The following ALPK3 variants were observed in gnomAD, a reference collection of about 807,000 sequenced individuals.
ALPK3 encodes alpha-protein kinase 3.
In ALPK3, 102 loss-of-function variants were observed where a neutral mutation model predicts 140.0. The ratio of observed to expected loss-of-function variants is 0.73; its 90% CI spans 0.62 to 0.86. The LOEUF (loss-of-function observed/expected upper bound fraction) is 0.86. ALPK3 is among the 40% of genes least tolerant of loss of function. The pLI, the probability that ALPK3 is intolerant of heterozygous loss-of-function variation, is 0.00. For missense variants in ALPK3, 2,254 were observed against 2,208.2 expected, an observed-to-expected ratio of 1.02 and a Z score of -0.42; for synonymous variants, 938 against 898.5, an observed-to-expected ratio of 1.04 and a Z score of -0.79.
intron 12 of ALPK3, among the ~76,000 whole-genome samples, chr15:84,866,246 A>G (rs568326128): frequency 1.3e-5 from 2 of 152,278 alleles, no homozygotes; most frequent in South Asian, 2.1e-4. Context: ...AGAAATGACA[A>G]ATAAATCAAT....
At chr15:84,836,273 G>A (rs1596148577) in intron 3 of ALPK3, among the ~76,000 whole-genome samples, 1 of 152,206 alleles carries the variant, frequency 6.6e-6, no homozygotes, top group Admixed American at 6.5e-5. Flanking sequence ...CATGAGGGCT[G>A]CGTGAAATGG....
Position 84,863,556 on chromosome 15 carries a change from G to C in ALPK3, c.4415G>C (p.Cys1472Ser), listed in dbSNP as rs1963971755. The change falls in exon 11 of 14, where the codon TGC becomes TCC. Residue 1472 changes from cysteine (C) to serine (S), a missense_variant. Coordinates refer to ENST00000258888, the MANE Select transcript of ALPK3 (RefSeq NM_020778.5). The part of the protein sequence containing the change: ...GRNYDVTIQG[C>S]KIQNMSREYC... The stretch of plus-strand genomic sequence containing the variant: ...ATTTGGTTCCCTCATCCACAGGGGT[G>C]CAAGATCCAGAACATGAGTCGGGAG... The C allele has an allele frequency of 6.2e-7, 1 of 1,613,776 alleles. No homozygotes were observed. The highest frequency in any genetic ancestry group is 1.7e-5 in the Admixed American group (1 of 59,996).
chr15:84,862,680 T>A lies in ALPK3; in HGVS notation c.4175T>A (p.Leu1392Gln). Residue 1392 changes from leucine (L) to glutamine (Q), a missense_variant, in exon 10 of 14, where the codon CTG becomes CAG. By Grantham distance (113) the Leu-to-Gln change is moderately radical. This residue lies in a region of ALPK3 where 2,088 missense variants were observed against 2,022.9 expected (regional missense o/e 1.03). Transcript: ENST00000258888. ...ACCCCTATGGTGTTTGCTAAGGGTC[T>A]GGCTGACTCTGGCTGCTGGGGGGAC... ...EMTPMVFAKG[L>Q]ADSGCWGDKL... The A allele has an allele frequency of 6.2e-7, 1 of 1,614,170 alleles. No homozygotes were observed.
chr15:84,837,348 G>A (rs1236535166), intron 3 of ALPK3, among the ~76,000 whole-genome samples: 1 of 152,232 alleles, frequency 6.6e-6, no homozygotes, highest in Non-Finnish European at 1.5e-5. Context: ...TCCTTGATTA[G>A]GCACGAGCAG....
chr15:84,837,324 T>C (rs1963606644), intron 3 of ALPK3, among the ~76,000 whole-genome samples: 2 of 152,284 alleles, frequency 1.3e-5, no homozygotes, highest in Middle Eastern at 3.4e-3. Context: ...GCAGGAATAA[T>C]TGCTGGAGAA....
rs370157683 is a variant in ALPK3, at chr15:84,857,150, G to A, written c.2412G>A (p.Pro804=). ...LSGNLMLPAQ[P]PHEGSVEQVG... Reference sequence around the variant, plus strand: ...GGAACCTCATGCTCCCAGCACAGCCGCCCCATGAGGGGAGTGTGGAGCAGG... The same window carrying A: ...GGAACCTCATGCTCCCAGCACAGCCACCCCATGAGGGGAGTGTGGAGCAGG... Residue 804 remains proline, a synonymous_variant, in exon 6 of 14, where the codon CCG becomes CCA. Transcript: ENST00000258888. The A allele has an allele frequency of 8.7e-6, 14 of 1,614,000 alleles. No individual in the cohort carries two copies. Among genetic ancestry groups the A allele is most frequent in the Admixed American group, 1.7e-5 (1 of 60,002 alleles).
intron 12 of ALPK3, among the ~76,000 whole-genome samples, chr15:84,865,473 G>A (rs907146362): frequency 2.0e-5 from 3 of 152,036 alleles, no homozygotes; most frequent in Non-Finnish European, 4.4e-5. Context: ...GGGAGGGCGG[G>A]CTAGGTAACA....
chr15:84,852,166 A>G (rs113591876), intron 5 of ALPK3, among the ~76,000 whole-genome samples: 2 of 152,330 alleles, frequency 1.3e-5, no homozygotes, highest in African/African-American at 4.8e-5. Context: ...AAAATAGAAC[A>G]ACTATAGTAA....
intron 1 of ALPK3, 35 bp downstream of exon 1, chr15:84,817,630 C>G (rs1285902030): frequency 6.8e-6 from 10 of 1,467,576 alleles, no homozygotes; most frequent in South Asian, 5.2e-5. Flanking sequence ...GGCGTCGGGC[C>G]GGCGATGCCC....
intron 3 of ALPK3, among the ~76,000 whole-genome samples, chr15:84,829,681 C>A (rs545006474): frequency 3.9e-5 from 6 of 152,318 alleles, no homozygotes; most frequent in African/African-American, 1.4e-4. Flanking sequence ...CGCGTGCCAC[C>A]ACACCCATGC....
chr15:84,835,328 C>G (rs1319827104), intron 3 of ALPK3, among the ~76,000 whole-genome samples: 2 of 152,182 alleles, frequency 1.3e-5, no homozygotes, highest in African/African-American at 4.8e-5. Flanking sequence ...CTGGCCGACG[C>G]TGCTGCAGCC....
chr15:84,818,899 A>G (rs909535493), intron 1 of ALPK3, among the ~76,000 whole-genome samples: 2 of 152,312 alleles, frequency 1.3e-5, no homozygotes, highest in East Asian at 3.9e-4. Context: ...TCCAGTCCTT[A>G]GAGAAGCTGA....
At chr15:84,846,776 G>C (rs1363863015) in intron 5 of ALPK3, among the ~76,000 whole-genome samples, 1 of 152,154 alleles carries the variant, frequency 6.6e-6, no homozygotes, top group Non-Finnish European at 1.5e-5. Flanking sequence ...TTTTGAGACA[G>C]AGTTTTGCAC....
At chr15:84,817,883 C>T (rs530825253) in intron 1 of ALPK3, among the ~76,000 whole-genome samples, 4 of 152,296 alleles carry the variant, frequency 2.6e-5, no homozygotes, top group African/African-American at 9.6e-5. Flanking sequence ...CCTTATCTCC[C>T]CTGCCCCCTA....
At position 84,862,823 on chromosome 15, in the gene ALPK3, C is replaced by G; in HGVS notation, c.4318C>G (p.Arg1440Gly). 6.2e-7 allele frequency: 1 copy of G among 1,614,144 alleles called. No individual in the cohort carries two copies. The highest frequency in any genetic ancestry group is 8.5e-7 in the Non-Finnish European group (1 of 1,180,044). The change falls in exon 10 of 14, where the codon CGC becomes GGC. Residue 1440 changes from arginine to glycine, a missense_variant. Physicochemically the swap from Arg to Gly is moderately radical, Grantham distance 125. Around this residue, in one of 3 missense-constraint regions of ALPK3, gnomAD observed 2,088 missense variants for 2,022.9 expected, o/e 1.03. Transcript: ENST00000258888. ...GCTGGAACCCATCTTCGAGTCGGGC[C>G]GCACGTGCATCATCAAGGTGTCCAG... ...YGLEPIFESG[R>G]TCIIKVSSLL...
rs1472739067 is a variant in ALPK3 at position 84,871,117 on chromosome 15, G to A, written c.*2661G>A. 3 of 152,544 alleles carry A rather than the reference G, an allele frequency of 2.0e-5. No homozygotes were observed. The highest frequency in any genetic ancestry group is 2.9e-5 in the Non-Finnish European group (2 of 68,030). 9.4% of individuals were successfully genotyped at this position (152,544 alleles called of 1,614,324 possible). On this transcript the variant is annotated 3_prime_UTR_variant, in exon 14 of 14. Coordinates refer to ENST00000258888, the MANE Select transcript of ALPK3 (RefSeq NM_020778.5). The stretch of plus-strand genomic sequence containing the variant: ...AAATTAACCATATTCAACCAAAATT[G>A]TATAACCCAGCAAGAATGGAAGAAT...
At position 84,868,429 on chromosome 15, in the gene ALPK3, G is replaced by A. The variant is rs116608834; in HGVS notation, c.5091G>A (p.Glu1697=). The A allele has an allele frequency of 5.1e-4, 828 of 1,610,542 alleles. 7 individuals are homozygous for A. The African/African-American group carries it at 9.3e-3, about 18-fold the overall frequency. Residue 1697 remains glutamate, a synonymous_variant, in exon 14 of 14, where the codon GAG becomes GAA. Coordinates refer to ENST00000258888, the MANE Select transcript of ALPK3 (RefSeq NM_020778.5). ...QLLGQPPTQE[E]GSKAQGMR ...TGGGACAGCCTCCCACCCAAGAGGA[G>A]GGCTCCAAGGCCCAGGGCATGCGGT...
intron 3 of ALPK3, among the ~76,000 whole-genome samples, chr15:84,833,082 G>A (rs1215030930): frequency 6.6e-6 from 1 of 152,182 alleles, no homozygotes; most frequent in Admixed American, 6.5e-5. Context: ...AGGCAGGGCT[G>A]CTCAGACATT....
At position 84,840,366 on chromosome 15, in the gene ALPK3, G is replaced by A. The variant is rs762134213; in HGVS notation, c.1087G>A (p.Val363Met). The A allele has an allele frequency of 5.0e-6, 8 of 1,613,496 alleles. No homozygotes were observed. Among genetic ancestry groups the A allele is most frequent in the Admixed American group, 1.7e-5 (1 of 59,880 alleles). Residue 363 changes from valine (V) to methionine (M), a missense_variant, in exon 5 of 14, where the codon GTG becomes ATG. Physicochemically the swap from Val to Met is conservative, Grantham distance 21. Around this residue, in one of 3 missense-constraint regions of ALPK3, gnomAD observed 2,088 missense variants for 2,022.9 expected, o/e 1.03. Coordinates refer to ENST00000258888, the MANE Select transcript of ALPK3 (RefSeq NM_020778.5). Reference protein sequence around the residue: ...DSCGTQGPVGVEQVQTQPRGR... With the variant: ...DSCGTQGPVGMEQVQTQPRGR... Reference sequence around the variant, plus strand: ...CTGTGGGACTCAGGGGCCCGTGGGCGTGGAGCAGGTTCAGACCCAGCCCAG... The same window carrying A: ...CTGTGGGACTCAGGGGCCCGTGGGCATGGAGCAGGTTCAGACCCAGCCCAG...
Sources: allele counts gnomAD v4.1 joint callset (sites outside exome capture counted in the v4.1 genomes callset), GRCh38; gene constraint gnomAD v4.1.1; regional missense constraint gnomAD v4.1.1; transcripts MANE v1.5; gene names NCBI Gene and HGNC (gene_info 2026-07-23, HGNC 2026-07-21).